Variants in BCAS3 observed in about 807,000 individuals in gnomAD.
BCAS3 encodes BCAS4/BCAS3 fusion.
Under a neutral mutation model 116.1 loss-of-function variants are expected in BCAS3, and 53 were observed. The ratio of observed to expected loss-of-function variants is 0.46; its 90% CI spans 0.37 to 0.57. BCAS3 has a LOEUF of 0.57. Among genes scored for constraint, BCAS3 ranks in the 20% least tolerant of loss-of-function variants. The pLI is 0.00. For missense variants in BCAS3, 917 were observed against 1,165.4 expected (o/e 0.79, Z 3.10); for synonymous variants, 391 against 408.2 (o/e 0.96, Z 0.51).
At chr17:61,197,961 G>A (rs2080583559) in intron 22 of BCAS3, among the ~76,000 whole-genome samples, 1 of 152,132 alleles carries the variant, frequency 6.6e-6, no homozygotes, top group Non-Finnish European at 1.5e-5. Context: ...TGTGTTAGGT[G>A]TTGGCTCTGA....
chr17:61,113,000 CGAAAT>C (rs2075198099), intron 22 of BCAS3, among the ~76,000 whole-genome samples: 1 of 103,522 alleles, frequency 9.7e-6, no homozygotes, highest in African/African-American at 2.9e-5. Context: ...GGATACATAA[CGAAAT>C]GAAGGCAGAA....
At chr17:60,688,484 G>A (rs1189710800) in intron 3 of BCAS3, among the ~76,000 whole-genome samples, 2 of 151,858 alleles carry the variant, frequency 1.3e-5, no homozygotes, top group South Asian at 2.1e-4. Flanking sequence ...GTAGAGATGA[G>A]GTTTCTCCAT....
rs1403274930 is a variant in BCAS3 at position 61,124,069 on chromosome 17, G to GATATATAT, written c.2425+39506_2425+39507insTATATATA. 4.0e-5 allele frequency among the ~76,000 whole-genome samples: 6 copies of GATATATAT among 151,720 alleles called. No individual in the cohort carries two copies. The highest frequency in any genetic ancestry group is 1.4e-4 in the African/African-American group (6 of 41,384). On this transcript the variant is annotated intron_variant, in intron 22 of 23. Coordinates refer to ENST00000407086, the MANE Select transcript of BCAS3 (RefSeq NM_017679.5). This position sits in a 1 kb window ranked among gnomAD's most constrained non-coding sequence, Gnocchi z 4.6. ...TGTTATTTCAAACTTGTATCTAGGAGAGAGATATATATATATACATATATA... is the reference window on the plus strand; with the variant it reads ...TGTTATTTCAAACTTGTATCTAGGAGATATATATAGAGATATATATATATACATATATA...
rs568131927 is a variant in BCAS3 at position 60,948,140 on chromosome 17, T to C, written c.1221+788T>C. Among the ~76,000 whole-genome samples, 11 of 152,288 alleles carry C rather than the reference T, an allele frequency of 7.2e-5. No individual in the cohort carries two copies. The South Asian group carries it at 2.3e-3, about 32-fold the overall frequency. On this transcript the variant is annotated intron_variant, in intron 14 of 23. Coordinates refer to ENST00000407086, the MANE Select transcript of BCAS3 (RefSeq NM_017679.5). ...TTTTTTTTGAGTTGGAGTCTCGCTC[T>C]GTTGCCCAGGCTAGAGTGCAGTGGC...
chr17:61,093,673 A>G (rs2073777878), intron 22 of BCAS3, among the ~76,000 whole-genome samples: 1 of 152,244 alleles, frequency 6.6e-6, no homozygotes, highest in Non-Finnish European at 1.5e-5. Context: ...TTTATCAAAA[A>G]GATACGCCTT....
chr17:60,811,441 C>T (rs2048809401), intron 7 of BCAS3: 4 of 594,958 alleles, frequency 6.7e-6, no homozygotes, highest in Non-Finnish European at 9.3e-6. Flanking sequence ...AGACCAGCGA[C>T]ATCAAAGTTC....
At chr17:61,234,784 A>G (rs60026389) in intron 22 of BCAS3, among the ~76,000 whole-genome samples, 18 of 1,562 alleles carry the variant, frequency 0.012, no homozygotes, top group Non-Finnish European at 0.078. Context: ...CTTTTTCCAG[A>G]AAAAAAAAAA....
chr17:61,391,734 C>T lies in BCAS3; in HGVS notation c.2594-243C>T, dbSNP rs971192582. On this transcript the variant is annotated intron_variant, in intron 23 of 23. Coordinates refer to ENST00000407086, the MANE Select transcript of BCAS3 (RefSeq NM_017679.5). This position sits in a 1 kb window ranked among gnomAD's most constrained non-coding sequence, Gnocchi z 7.7. ...CGTGCTTCGGGCCTAAAGGGCTTCC[C>T]GCAGCAGGGAGACGGTGCTCTCACA... The T allele has an allele frequency of 9.4e-6, 5 of 532,574 alleles. No individual in the cohort carries two copies. Among genetic ancestry groups the T allele is most frequent in the African/African-American group, 3.8e-5 (2 of 52,144 alleles). The allele number at this position is 532,574 out of a possible 1,614,324, so 33.0% of individuals were successfully genotyped here. A position where few individuals can be genotyped will look rare whatever the true frequency, so the allele number is the denominator to read the frequency against.
chr17:61,378,475 A>G lies in BCAS3; in HGVS notation c.2593+9981A>G, dbSNP rs1209093270. The G allele has an allele frequency of 6.6e-6, 1 of 151,906 alleles. No homozygotes were observed. The highest frequency in any genetic ancestry group is 6.6e-5 in the Admixed American group (1 of 15,256). 9.4% of individuals were successfully genotyped at this position (151,906 alleles called of 1,614,324 possible). A position where few individuals can be genotyped will look rare whatever the true frequency, so the allele number is the denominator to read the frequency against. The stretch of plus-strand genomic sequence containing the variant: ...GCCTTTTCCATTAACTTGCTCACCA[A>G]TTCCCTTCGTTTTGCCATTGGAAAA... On this transcript the variant is annotated intron_variant, in intron 23 of 23. Transcript: ENST00000407086. This position sits in a 1 kb window ranked among gnomAD's most constrained non-coding sequence, Gnocchi z 5.8.
intron 22 of BCAS3, among the ~76,000 whole-genome samples, chr17:61,148,505 A>G (rs918123204): frequency 1.3e-5 from 2 of 152,198 alleles, no homozygotes; most frequent in Non-Finnish European, 2.9e-5. Flanking sequence ...CATGTTGCCA[A>G]CTGCAGAAAT....
At chr17:61,176,138 CAA>C (rs534042215) in intron 22 of BCAS3, among the ~76,000 whole-genome samples, 1,166 of 49,960 alleles carry the variant, frequency 0.023, 8 homozygotes, top group African/African-American at 0.073. Flanking sequence ...GACCCTATCT[CAA>C]AAAAAAAAAA....
At chr17:60,855,815 C>T (rs1178281269) in intron 7 of BCAS3, among the ~76,000 whole-genome samples, 1 of 152,062 alleles carries the variant, frequency 6.6e-6, no homozygotes, top group East Asian at 1.9e-4. Flanking sequence ...CCCAAAGTAG[C>T]TGGGACCACA....
intron 19 of BCAS3, among the ~76,000 whole-genome samples, chr17:61,058,478 C>G (rs1007287912): frequency 6.6e-6 from 1 of 152,082 alleles, no homozygotes; most frequent in East Asian, 1.9e-4. Context: ...CTTGGTCACT[C>G]GGCTGATTTC....
chr17:61,392,176 G>C lies in BCAS3; in HGVS notation c.*51G>C, dbSNP rs1479208428. ...CCAGCCCCCTCCCCTGCTGGAGGAG[G>C]GGAGAAGCCCCGCTCTGGTCCTACC... On this transcript the variant is annotated 3_prime_UTR_variant, in exon 24 of 24. Transcript: ENST00000407086. This position sits in a 1 kb window ranked among gnomAD's most constrained non-coding sequence, Gnocchi z 6.4. The C allele has an allele frequency of 6.3e-7, 1 of 1,589,402 alleles. No individual in the cohort carries two copies. The highest frequency in any genetic ancestry group is 1.7e-4 in the Middle Eastern group (1 of 5,928).
chr17:61,215,586 C>T lies in BCAS3; in HGVS notation c.2425+131022C>T, dbSNP rs1286956166. On this transcript the variant is annotated intron_variant, in intron 22 of 23. Coordinates refer to ENST00000407086, the MANE Select transcript of BCAS3 (RefSeq NM_017679.5). The surrounding 1 kb of genome is among the most constrained non-coding windows in gnomAD (Gnocchi z 4.8). ...CCACTGACTATAAAATACAGAGGAA[C>T]ATACTTTTTAAGCCACTTAAGCTCA... Among the ~76,000 whole-genome samples the T allele has an allele frequency of 6.6e-6, 1 of 152,180 alleles. No homozygotes were observed. Among genetic ancestry groups the T allele is most frequent in the Non-Finnish European group, 1.5e-5 (1 of 68,032 alleles).
At chr17:61,172,943 A>C (rs1255385829) in intron 22 of BCAS3, among the ~76,000 whole-genome samples, 1 of 147,450 alleles carries the variant, frequency 6.8e-6, no homozygotes, top group East Asian at 2.1e-4. Context: ...AGCTGAGATG[A>C]CGCCACTGCA....
At position 61,122,013 on chromosome 17, in the gene BCAS3, C is replaced by T. The variant is rs2075817510; in HGVS notation, c.2425+37449C>T. Reference sequence around the variant, plus strand: ...AAAATGCTGGGATTACAGGCGTGAGCCACTGTGCCCGGCCAAAAACATATG... The same window carrying T: ...AAAATGCTGGGATTACAGGCGTGAGTCACTGTGCCCGGCCAAAAACATATG... On this transcript the variant is annotated intron_variant, in intron 22 of 23. Transcript: ENST00000407086. This position sits in a 1 kb window ranked among gnomAD's most constrained non-coding sequence, Gnocchi z 4.6. Among the ~76,000 whole-genome samples, 1 of 152,130 alleles carries T rather than the reference C, an allele frequency of 6.6e-6. No individual in the cohort carries two copies. Among genetic ancestry groups the T allele is most frequent in the African/African-American group, 2.4e-5 (1 of 41,380 alleles).
intron 19 of BCAS3, among the ~76,000 whole-genome samples, chr17:61,057,086 G>A (rs965499345): frequency 5.3e-5 from 8 of 152,198 alleles, no homozygotes; most frequent in African/African-American, 1.9e-4. Context: ...AAACAAAAAT[G>A]TCTTCTTTAT....
Position 61,189,149 on chromosome 17 carries a change from C to G in BCAS3, c.2425+104585C>G, listed in dbSNP as rs894647571. 2.0e-5 allele frequency among the ~76,000 whole-genome samples: 3 copies of G among 152,074 alleles called. No homozygotes were observed. The highest frequency in any genetic ancestry group is 1.3e-4 in the Admixed American group (2 of 15,266). On this transcript the variant is annotated intron_variant, in intron 22 of 23. Coordinates refer to ENST00000407086, the MANE Select transcript of BCAS3 (RefSeq NM_017679.5). The surrounding 1 kb of genome is among the most constrained non-coding windows in gnomAD (Gnocchi z 4.5). ...AGAGAGAGAGAGAGAGAACAGCACA[C>G]TTCAAAGGGTATGGTCTTTGTTGCT...
Sources: gnomAD v4.1 joint callset for allele counts (sites outside exome capture counted in the v4.1 genomes callset) on GRCh38, gnomAD v4.1.1 for gene constraint, Gnocchi (gnomAD v3.1) non-coding constraint, MANE v1.5 for transcripts, NCBI Gene and HGNC (gene_info 2026-07-23, HGNC 2026-07-21) for gene names.